PTPRD: variants seen among roughly 807,000 people sequenced by gnomAD.
PTPRD encodes the protein protein tyrosine phosphatase receptor type D.
In PTPRD, 34 loss-of-function variants were observed where a neutral mutation model predicts 214.5. The ratio of observed to expected loss-of-function variants is 0.16; its 90% CI spans 0.12 to 0.21. The LOEUF (loss-of-function observed/expected upper bound fraction) is 0.21. PTPRD is among the 10% of genes least tolerant of loss of function. PTPRD has a pLI of 1.00. For synonymous variants in PTPRD, 1,128 were observed against 845.7 expected, an observed-to-expected ratio of 1.33 and a Z score of -5.79; for missense variants, 2,545 against 2,398.7, an observed-to-expected ratio of 1.06 and a Z score of -1.27.
intron 7 of PTPRD, among the ~76,000 whole-genome samples, chr9:9,579,791 G>A (rs2090165851): frequency 6.6e-6 from 1 of 152,072 alleles, no homozygotes; most frequent in South Asian, 2.1e-4. Context: ...CTTTTAGTAT[G>A]TCCTTTACCA....
intron 3 of PTPRD, among the ~76,000 whole-genome samples, chr9:10,088,350 G>C (rs1450505386): frequency 6.6e-6 from 1 of 151,712 alleles, no homozygotes; most frequent in Non-Finnish European, 1.5e-5. Flanking sequence ...GCCTCTATTA[G>C]AAACAATTCT....
intron 8 of PTPRD, among the ~76,000 whole-genome samples, chr9:9,522,754 T>G (rs1590652056): frequency 6.6e-6 from 1 of 152,156 alleles, no homozygotes; most frequent in African/African-American, 2.4e-5. Flanking sequence ...AGGTAATCAG[T>G]TGAGAGTTTT....
intron 34 of PTPRD, among the ~76,000 whole-genome samples, chr9:8,440,547 T>A (rs1173725291): frequency 1.3e-5 from 2 of 152,178 alleles, no homozygotes; most frequent in Non-Finnish European, 2.9e-5. Flanking sequence ...ACTCCTGACC[T>A]CATGATCCGC....
chr9:9,616,728 C>T (rs2094891344), intron 7 of PTPRD, among the ~76,000 whole-genome samples: 2 of 152,090 alleles, frequency 1.3e-5, no homozygotes, highest in African/African-American at 4.8e-5. Flanking sequence ...ATTATCCACC[C>T]CTTGTTTAGC....
rs181466730 is a variant in PTPRD, at chr9:8,435,438, G to C, written c.4086+1154C>G. Among the ~76,000 whole-genome samples the C allele has an allele frequency of 1.1e-4, 16 of 152,232 alleles. No individual in the cohort carries two copies. The East Asian group carries it at 2.7e-3, about 26-fold the overall frequency. On this transcript the variant is annotated intron_variant, in intron 35 of 45. Transcript: ENST00000381196. The stretch of plus-strand genomic sequence containing the variant: ...CCAAGAGGTAACAGGATGTGTTAAC[G>C]ACTCCCAGTAAGTAAATCAATAGAA...
At chr9:9,162,880 A>G (rs1047515408) in intron 10 of PTPRD, among the ~76,000 whole-genome samples, 1 of 152,034 alleles carries the variant, frequency 6.6e-6, no homozygotes, top group Non-Finnish European at 1.5e-5. Context: ...CCAAGCTTAC[A>G]TGTTGCGAAA....
chr9:9,935,831 T>G (rs1308917457), intron 5 of PTPRD, among the ~76,000 whole-genome samples: 4 of 148,506 alleles, frequency 2.7e-5, no homozygotes, highest in African/African-American at 7.7e-5. Flanking sequence ...CAAACTATAC[T>G]ACAAGGCTAC....
At chr9:10,571,815 C>G (rs542560075) in intron 2 of PTPRD, among the ~76,000 whole-genome samples, 25 of 152,062 alleles carry the variant, frequency 1.6e-4, no homozygotes, top group Non-Finnish European at 2.8e-4. Flanking sequence ...CTCACATGAG[C>G]AGTTCACAAT....
At chr9:9,821,131 T>C (rs1303055895) in intron 5 of PTPRD, among the ~76,000 whole-genome samples, 1 of 152,184 alleles carries the variant, frequency 6.6e-6, no homozygotes, top group Non-Finnish European at 1.5e-5. Context: ...CCCATTTGTG[T>C]CATCTATGTT....
At chr9:8,792,287 G>T (rs773257661) in intron 11 of PTPRD, among the ~76,000 whole-genome samples, 1 of 152,130 alleles carries the variant, frequency 6.6e-6, no homozygotes, top group Non-Finnish European at 1.5e-5. Flanking sequence ...CCACAAATTG[G>T]ATGCCACAAA....
chr9:9,984,712 C>T (rs2095650514), intron 4 of PTPRD, among the ~76,000 whole-genome samples: 1 of 152,010 alleles, frequency 6.6e-6, no homozygotes, highest in Non-Finnish European at 1.5e-5. Context: ...CTGGGAGGAC[C>T]ACAGTGTCCT....
At chr9:10,026,024 G>C (rs2096916489) in intron 4 of PTPRD, among the ~76,000 whole-genome samples, 1 of 152,202 alleles carries the variant, frequency 6.6e-6, no homozygotes, top group South Asian at 2.1e-4. Context: ...GATCTCAGTA[G>C]AGTTCACCAC....
chr9:9,425,216 A>G (rs2080351823), intron 8 of PTPRD, among the ~76,000 whole-genome samples: 1 of 152,024 alleles, frequency 6.6e-6, no homozygotes, highest in South Asian at 2.1e-4. Flanking sequence ...CTTGGCTCCC[A>G]GAAGAACCAT....
chr9:8,767,353 G>C (rs1212196921), intron 11 of PTPRD, among the ~76,000 whole-genome samples: 2 of 152,070 alleles, frequency 1.3e-5, no homozygotes, highest in African/African-American at 2.4e-5. Context: ...CTGACCTCAA[G>C]TGATCCACCC....
chr9:9,309,094 C>T (rs915130826), intron 9 of PTPRD, among the ~76,000 whole-genome samples: 2 of 151,780 alleles, frequency 1.3e-5, no homozygotes, highest in Non-Finnish European at 2.9e-5. Context: ...AATAAAAAAC[C>T]AAGAATTTAT....
intron 7 of PTPRD, among the ~76,000 whole-genome samples, chr9:9,622,677 T>C (rs531000575): frequency 6.6e-6 from 1 of 152,254 alleles, no homozygotes; most frequent in Non-Finnish European, 1.5e-5. Flanking sequence ...ACTCAAAGTA[T>C]TGGTAAAATA....
chr9:10,424,882 T>A (rs565549423), intron 2 of PTPRD, among the ~76,000 whole-genome samples: 1 of 152,154 alleles, frequency 6.6e-6, no homozygotes, highest in South Asian at 2.1e-4. Context: ...ATCACTTTTT[T>A]ACCATAATGT....
chr9:9,383,252 T>A (rs911576309), intron 9 of PTPRD, among the ~76,000 whole-genome samples: 1 of 152,084 alleles, frequency 6.6e-6, no homozygotes, highest in Admixed American at 6.6e-5. Flanking sequence ...AAGAAAATTG[T>A]CCTATTTTTT....
chr9:9,794,928 C>T (rs944115977), intron 5 of PTPRD, among the ~76,000 whole-genome samples: 6 of 152,144 alleles, frequency 3.9e-5, no homozygotes, highest in Non-Finnish European at 8.8e-5. Context: ...GAAGATGCTG[C>T]AATCATCTAA....
Sources: allele counts gnomAD v4.1 joint callset (sites outside exome capture counted in the v4.1 genomes callset), GRCh38; gene constraint gnomAD v4.1.1; transcripts MANE v1.5; gene names NCBI Gene and HGNC (gene_info 2026-07-23, HGNC 2026-07-21).